Variants in BBS7 observed in about 807,000 individuals in gnomAD.
The protein encoded by BBS7 is BBSome complex member BBS7.
Under a neutral mutation model 90.3 loss-of-function variants are expected in BBS7, and 50 were observed. That is an observed-to-expected ratio of 0.55 (90% CI 0.44 to 0.70). The LOEUF (loss-of-function observed/expected upper bound fraction) is 0.70, where lower values mean the gene tolerates loss of function less well. Ranked by LOEUF, BBS7 falls within the 30% of genes least tolerant of loss-of-function variation. The pLI, the probability that BBS7 is intolerant of heterozygous loss-of-function variation, is 0.00. For missense variants in BBS7, 729 were observed against 838.9 expected (o/e 0.87, Z 1.62); for synonymous variants, 235 against 287.4 (o/e 0.82, Z 1.85).
intron 2 of BBS7, among the ~76,000 whole-genome samples, chr4:121,863,931 G>C (rs895622767): frequency 1.1e-4 from 17 of 152,194 alleles, no homozygotes; most frequent in African/African-American, 4.1e-4. Context: ...ACCAGTTCCA[G>C]TACGTGGCCT....
chr4:121,840,871 T>A (rs1725703276), intron 12 of BBS7, among the ~76,000 whole-genome samples: 1 of 151,660 alleles, frequency 6.6e-6, no homozygotes, highest in African/African-American at 2.4e-5. Flanking sequence ...AGAGTCTTGC[T>A]GTGTTGCCCA....
chr4:121,869,785 C>G (rs1220388549), intron 1 of BBS7, among the ~76,000 whole-genome samples: 1 of 152,190 alleles, frequency 6.6e-6, no homozygotes, highest in Non-Finnish European at 1.5e-5. Flanking sequence ...GTGATCCGCC[C>G]GCCTCGGCCT....
rs556452595 is a variant in BBS7, at chr4:121,866,235, A to G, written c.102+1746T>C. Among the ~76,000 whole-genome samples, 5 of 151,996 alleles carry G rather than the reference A, an allele frequency of 3.3e-5. No individual in the cohort carries two copies. The East Asian group carries it at 9.7e-4, about 29-fold the overall frequency. On this transcript the variant is annotated intron_variant, in intron 2 of 18. Transcript: ENST00000264499. ...AAGCTTTTTGGTTTGATATGATCCC[A>G]CTTGTTTATTTTTGCTTTTGTTGTT...
chr4:121,869,115 G>C (rs1000006291), intron 1 of BBS7, among the ~76,000 whole-genome samples: 22 of 152,172 alleles, frequency 1.4e-4, no homozygotes, highest in African/African-American at 5.3e-4. Context: ...AATAGAGATG[G>C]AAGATATGGG....
intron 2 of BBS7, among the ~76,000 whole-genome samples, chr4:121,864,952 T>C (rs1455162909): frequency 6.6e-6 from 1 of 152,212 alleles, no homozygotes. Context: ...TATTGTTAAC[T>C]ATAGTCATCC....
intron 15 of BBS7, among the ~76,000 whole-genome samples, chr4:121,829,732 T>C (rs540834509): frequency 6.6e-6 from 1 of 152,306 alleles, no homozygotes; most frequent in African/African-American, 2.4e-5. Context: ...CTGGGACTTT[T>C]ATTGGAGCCA....
chr4:121,835,069 A>G, intron 14 of BBS7, 75 bp downstream of exon 14: 6 of 1,478,664 alleles, frequency 4.1e-6, no homozygotes, highest in Non-Finnish European at 5.6e-6. Context: ...CAGAATTTAC[A>G]CTATAAAAAT....
chr4:121,828,222 A>G lies in BBS7; in HGVS notation c.1938T>C (p.Tyr646=), dbSNP rs1184801114. ...EGNTNFLIPE[Y]HCILEEADHL... ...GATCTGCCTCTTCTAGAATACAGTG[A>G]TATTCTGGTATCAGAAAGTTCGTAT... The change falls in exon 18 of 19, where the codon TAT becomes TAC. Residue 646 remains tyrosine, a synonymous_variant. Transcript: ENST00000264499. The G allele has an allele frequency of 6.2e-7, 1 of 1,613,716 alleles. No homozygotes were observed. The highest frequency in any genetic ancestry group is 8.5e-7 in the Non-Finnish European group (1 of 1,179,724).
chr4:121,841,028 G>C (rs1490635033), intron 12 of BBS7, among the ~76,000 whole-genome samples: 1 of 151,950 alleles, frequency 6.6e-6, no homozygotes, highest in Non-Finnish European at 1.5e-5. Context: ...TTAGTAAAGA[G>C]GGTGTTTTAC....
chr4:121,829,000 T>C (rs1725046218), intron 15 of BBS7, among the ~76,000 whole-genome samples: 1 of 152,184 alleles, frequency 6.6e-6, no homozygotes, highest in Admixed American at 6.5e-5. Flanking sequence ...AACTTTTATC[T>C]TCATTTTTCA....
intron 13 of BBS7, among the ~76,000 whole-genome samples, chr4:121,837,562 G>A (rs778882002): frequency 6.6e-6 from 1 of 152,024 alleles, no homozygotes; most frequent in Non-Finnish European, 1.5e-5. Context: ...AAATAGAAAT[G>A]TCATGCACTA....
intron 15 of BBS7, among the ~76,000 whole-genome samples, chr4:121,831,598 A>G (rs924983828): frequency 3.3e-5 from 5 of 152,234 alleles, no homozygotes; most frequent in Non-Finnish European, 7.3e-5. Context: ...TGCTAGGGGC[A>G]TGTTGAATTG....
At chr4:121,860,093 C>T (rs1726895166) in intron 4 of BBS7, among the ~76,000 whole-genome samples, 1 of 151,946 alleles carries the variant, frequency 6.6e-6, no homozygotes, top group Admixed American at 6.6e-5. Context: ...CTATAATAAT[C>T]CTCCCTGATT....
chr4:121,861,565 T>A lies in BBS7; in HGVS notation c.280A>T (p.Thr94Ser), dbSNP rs202102193. ...GAGAGGAACTGTTTTCCTCTTTTTG[T>A]GAAGCCTCTAATCTCAGATGCTGCA... ...IAAASEIRGF[T>S]KRGKQFLSFE... is the part of the protein sequence containing the mutation. The change falls in exon 4 of 19, where the codon ACA (threonine) becomes TCA (serine). Residue 94 changes from threonine to serine, a missense_variant. By Grantham distance (58) the Thr-to-Ser change is moderately conservative. Transcript: ENST00000264499. The A allele has an allele frequency of 9.9e-5, 160 of 1,613,884 alleles. No homozygotes were observed. The East Asian group carries it at 3.3e-3, about 33-fold the overall frequency.
At chr4:121,853,678 T>G (rs1726444936) in intron 7 of BBS7, among the ~76,000 whole-genome samples, 1 of 152,176 alleles carries the variant, frequency 6.6e-6, no homozygotes. Flanking sequence ...CTGGTCTCCA[T>G]GCTTCCAGTT....
In BBS7 at chr4:121,825,947, G is replaced by A. The variant is rs1245854685; in HGVS notation, c.2061C>T (p.Thr687=). 1.2e-6 allele frequency: 2 copies of A among 1,608,996 alleles called. No individual in the cohort carries two copies. Among genetic ancestry groups the A allele is most frequent in the South Asian group, 2.2e-5 (2 of 90,926 alleles). ...GAAGGGGTACTTTAGTTTTTACATT[G>A]GTGCCTTTAAACTTAAATTTATCTA... The part of the protein sequence containing the change: ...LFIDKFKFKG[T]NVKTKVPLLL... Residue 687 remains threonine (T), a synonymous_variant, in exon 19 of 19, where the codon ACC becomes ACT. Transcript: ENST00000264499.
rs2149079198 is a variant in BBS7, at chr4:121,854,795, A to G, written c.627T>C (p.Phe209=). Reference sequence around the variant, plus strand: ...GCGCAAGTTTTCCGTCTGATGTCCCAAACAAAAGGTCTTCTCCAGAGTCAC... The same window carrying G: ...GCGCAAGTTTTCCGTCTGATGTCCCGAACAAAAGGTCTTCTCCAGAGTCAC... ...NGGDSGEDLL[F]GTSDGKLALI... is the part of the protein sequence containing the mutation. The change falls in exon 7 of 19, where the codon TTT becomes TTC. Residue 209 remains phenylalanine (F), a synonymous_variant. Coordinates refer to ENST00000264499, the MANE Select transcript of BBS7 (RefSeq NM_176824.3). The G allele has an allele frequency of 6.2e-7, 1 of 1,612,568 alleles. No homozygotes were observed. Among genetic ancestry groups the G allele is most frequent in the East Asian group, 2.2e-5 (1 of 44,762 alleles).
intron 11 of BBS7, among the ~76,000 whole-genome samples, chr4:121,845,047 G>A (rs1439735060): frequency 6.6e-6 from 1 of 152,044 alleles, no homozygotes; most frequent in Non-Finnish European, 1.5e-5. Context: ...TTATCTAAAG[G>A]AAGAATAAAA....
At chr4:121,858,092 C>T (rs892560331) in intron 5 of BBS7, among the ~76,000 whole-genome samples, 4 of 152,170 alleles carry the variant, frequency 2.6e-5, no homozygotes, top group African/African-American at 9.7e-5. Flanking sequence ...AGGTGTGAGC[C>T]ACCATGCCTG....
Sources: gnomAD v4.1 joint callset for allele counts (sites outside exome capture counted in the v4.1 genomes callset) on GRCh38, gnomAD v4.1.1 for gene constraint, MANE v1.5 for transcripts, NCBI Gene and HGNC (gene_info 2026-07-23, HGNC 2026-07-21) for gene names.